The following AGBL4 variants were observed in gnomAD, a reference collection of about 807,000 sequenced individuals.
AGBL4 encodes the protein AGBL carboxypeptidase 4.
A neutral mutation model predicts 66.4 loss-of-function variants in AGBL4; 58 were observed. That is an observed-to-expected ratio of 0.87 (90% CI 0.71 to 1.09). The LOEUF is 1.09. Ranked by LOEUF, AGBL4 falls within the 50% of genes least tolerant of loss-of-function variation. The pLI is 0.00. For missense variants in AGBL4, 579 were observed against 631.0 expected, an observed-to-expected ratio of 0.92 and a Z score of 0.88; for synonymous variants, 234 against 222.9, an observed-to-expected ratio of 1.05 and a Z score of -0.44.
At chr1:49,445,487 T>C (rs977946591) in intron 3 of AGBL4, among the ~76,000 whole-genome samples, 2 of 152,152 alleles carry the variant, frequency 1.3e-5, no homozygotes, top group African/African-American at 4.8e-5. Context: ...ATTTGAGTAT[T>C]CAATTGTTTT....
At chr1:49,947,078 A>G (rs1348182193) in intron 1 of AGBL4, among the ~76,000 whole-genome samples, 1 of 151,426 alleles carries the variant, frequency 6.6e-6, no homozygotes, top group South Asian at 2.1e-4. Flanking sequence ...AAAAAGTTCA[A>G]GACCAGACGG....
intron 6 of AGBL4, among the ~76,000 whole-genome samples, chr1:48,773,083 A>G (rs1299164795): frequency 1.3e-5 from 2 of 152,148 alleles, no homozygotes; most frequent in Admixed American, 6.5e-5. Context: ...GTGCACTGGT[A>G]TATTCACTTA....
intron 6 of AGBL4, chr1:48,761,443 A>G: frequency 6.4e-7 from 1 of 1,551,266 alleles, no homozygotes; most frequent in African/African-American, 1.4e-5. Context: ...CTTCTGCATC[A>G]CACTGTTTTC....
At chr1:49,222,758 G>A (rs1265628281) in intron 4 of AGBL4, among the ~76,000 whole-genome samples, 2 of 152,152 alleles carry the variant, frequency 1.3e-5, no homozygotes, top group African/African-American at 4.8e-5. Flanking sequence ...AATTTAAACA[G>A]TAATAAATGG....
Position 49,317,835 on chromosome 1 carries a change from T to G in AGBL4, c.283-71971A>C, listed in dbSNP as rs551833344. On this transcript the variant is annotated intron_variant, in intron 3 of 13. Transcript: ENST00000371839. ...TTGTAAAGATGTCAGCTTCAACTAA[T>G]ATTATAATTACTGTATATGTCTTGC... Among the ~76,000 whole-genome samples the G allele has an allele frequency of 1.1e-3, 173 of 152,194 alleles. 1 individual carries two copies. Among genetic ancestry groups the G allele is most frequent in the Middle Eastern group, 6.8e-3 (2 of 294 alleles).
intron 3 of AGBL4, among the ~76,000 whole-genome samples, chr1:49,537,166 A>C (rs918882523): frequency 1.6e-4 from 24 of 152,194 alleles, no homozygotes; most frequent in African/African-American, 5.8e-4. Flanking sequence ...AAAGACTTAA[A>C]TGTAAGACCT....
At position 49,634,766 on chromosome 1, in the gene AGBL4, T is replaced by A. The variant is rs567026954; in HGVS notation, c.282+62547A>T. Among the ~76,000 whole-genome samples the A allele has an allele frequency of 1.9e-3, 295 of 152,322 alleles. 10 individuals carry two copies. In the South Asian group the frequency reaches 0.06, roughly 31 times the overall value. On this transcript the variant is annotated intron_variant, in intron 3 of 13. Coordinates refer to ENST00000371839, the MANE Select transcript of AGBL4 (RefSeq NM_032785.4). ...TTAATGATTGCCATTCTAACCGGCA[T>A]GAGATGGCAAATTTCTATCTCCAAG...
intron 1 of AGBL4, among the ~76,000 whole-genome samples, chr1:50,011,155 C>T (rs1557658853): frequency 1.3e-5 from 2 of 151,874 alleles, no homozygotes; most frequent in East Asian, 3.9e-4. Flanking sequence ...AGATTAATAA[C>T]AAGAATATAT....
chr1:48,613,055 A>T (rs1375663092), intron 9 of AGBL4, among the ~76,000 whole-genome samples: 1 of 152,108 alleles, frequency 6.6e-6, no homozygotes, highest in Admixed American at 6.6e-5. Context: ...AATTTCTTGA[A>T]CTAAGGAGGC....
At chr1:49,902,868 G>A (rs759276718) in intron 1 of AGBL4, among the ~76,000 whole-genome samples, 2 of 152,208 alleles carry the variant, frequency 1.3e-5, no homozygotes, top group African/African-American at 4.8e-5. Context: ...TTGCAAGGTT[G>A]TGGAGAAAAA....
At chr1:49,244,971 A>C (rs1007378067) in intron 4 of AGBL4, among the ~76,000 whole-genome samples, 1 of 151,806 alleles carries the variant, frequency 6.6e-6, no homozygotes, top group African/African-American at 2.4e-5. Flanking sequence ...CATAAATAAC[A>C]CAGGGCACTC....
chr1:49,537,731 T>A (rs1007887801), intron 3 of AGBL4, among the ~76,000 whole-genome samples: 2 of 152,138 alleles, frequency 1.3e-5, no homozygotes, highest in Non-Finnish European at 2.9e-5. Flanking sequence ...AAGACCATCC[T>A]GGCTAAAAGG....
At chr1:49,314,358 T>C (rs926737459) in intron 3 of AGBL4, among the ~76,000 whole-genome samples, 2 of 151,974 alleles carry the variant, frequency 1.3e-5, no homozygotes, top group Non-Finnish European at 2.9e-5. Context: ...CATTAGGTAT[T>C]TCTCCTAATG....
intron 5 of AGBL4, among the ~76,000 whole-genome samples, chr1:48,960,060 G>A (rs1657830214): frequency 6.6e-6 from 1 of 152,138 alleles, no homozygotes; most frequent in Admixed American, 6.5e-5. Context: ...AGCAGGAGAA[G>A]GAGGCAACAG....
chr1:48,642,849 G>T (rs1645779303), intron 8 of AGBL4, among the ~76,000 whole-genome samples: 1 of 152,168 alleles, frequency 6.6e-6, no homozygotes, highest in African/African-American at 2.4e-5. Context: ...CAAGACCTGG[G>T]TGCTGGCAAG....
chr1:49,670,695 G>C (rs1646459404), intron 3 of AGBL4, among the ~76,000 whole-genome samples: 3 of 152,072 alleles, frequency 2.0e-5, no homozygotes, highest in African/African-American at 7.2e-5. Context: ...AAATCTTATG[G>C]GCCTGAGGTA....
At chr1:48,588,705 A>C (rs546705631) in intron 10 of AGBL4, among the ~76,000 whole-genome samples, 1 of 143,340 alleles carries the variant, frequency 7.0e-6, no homozygotes, top group South Asian at 2.3e-4. Flanking sequence ...GTAAAGGAAA[A>C]ATCAGAAAAT....
chr1:49,114,942 A>G (rs1173589772), intron 4 of AGBL4, among the ~76,000 whole-genome samples: 1 of 152,210 alleles, frequency 6.6e-6, no homozygotes, highest in Non-Finnish European at 1.5e-5. Context: ...AGTTTGAAAT[A>G]TTGCAAGAAT....
At chr1:49,557,952 A>G (rs1558049733) in intron 3 of AGBL4, among the ~76,000 whole-genome samples, 1 of 151,836 alleles carries the variant, frequency 6.6e-6, no homozygotes, top group Non-Finnish European at 1.5e-5. Flanking sequence ...CTACCATAGC[A>G]TAATAGGGCA....
Sources: gnomAD v4.1 joint callset for allele counts (sites outside exome capture counted in the v4.1 genomes callset) on GRCh38, gnomAD v4.1.1 for gene constraint, MANE v1.5 for transcripts, NCBI Gene and HGNC (gene_info 2026-07-23, HGNC 2026-07-21) for gene names.